PCDH15: variants seen among roughly 807,000 people sequenced by gnomAD.
PCDH15 encodes the protein protocadherin-15.
PCDH15 carries 129 observed loss-of-function variants against 178.5 expected under a neutral mutation model. The ratio of observed to expected loss-of-function variants is 0.72; its 90% CI spans 0.63 to 0.84. The LOEUF (loss-of-function observed/expected upper bound fraction) is 0.84, where lower values mean the gene tolerates loss of function less well. Ranked by LOEUF, PCDH15 falls within the 40% of genes least tolerant of loss-of-function variation. The pLI, the probability that PCDH15 is intolerant of heterozygous loss-of-function variation, is 0.00. For missense variants in PCDH15, 2,230 were observed against 2,099.9 expected (o/e 1.06, Z -1.21); for synonymous variants, 800 against 732.0 (o/e 1.09, Z -1.50).
At chr10:55,385,181 T>G (rs977948303) in intron 2 of PCDH15, among the ~76,000 whole-genome samples, 1 of 152,052 alleles carries the variant, frequency 6.6e-6, no homozygotes, top group Non-Finnish European at 1.5e-5. Context: ...GCCTAAACAA[T>G]GTCGTATATG....
intron 20 of PCDH15, among the ~76,000 whole-genome samples, chr10:54,019,151 A>G (rs188516054): frequency 4.6e-5 from 7 of 152,134 alleles, no homozygotes; most frequent in Non-Finnish European, 8.8e-5. Context: ...CAGGAAGCAG[A>G]AAAAAACACT....
At chr10:55,619,645 C>T (rs1016258358) in intron 2 of PCDH15, among the ~76,000 whole-genome samples, 1 of 151,950 alleles carries the variant, frequency 6.6e-6, no homozygotes, top group Non-Finnish European at 1.5e-5. Context: ...ATAACTGGCA[C>T]AAAATAATTA....
intron 2 of PCDH15, among the ~76,000 whole-genome samples, chr10:54,902,591 C>A (rs960449232): frequency 6.6e-6 from 1 of 152,112 alleles, no homozygotes; most frequent in African/African-American, 2.4e-5. Context: ...GTCAATTAAA[C>A]CTCTTCTCTT....
At chr10:54,452,470 T>C (rs2076540245) in intron 3 of PCDH15, 1 of 152,084 alleles carries the variant, frequency 6.6e-6, no homozygotes, top group South Asian at 2.1e-4. Flanking sequence ...CTGCTAATCT[T>C]CTTGAATTCT....
upstream of PCDH15, among the ~76,000 whole-genome samples, chr10:54,804,211 T>C (rs531801279): frequency 2.0e-4 from 30 of 152,230 alleles, no homozygotes; most frequent in South Asian, 6.2e-3. Context: ...AGCTAATTTT[T>C]TGCATTTTTA....
intron 1 of PCDH15, among the ~76,000 whole-genome samples, chr10:55,199,066 G>A (rs536444221): frequency 6.6e-6 from 1 of 152,058 alleles, no homozygotes; most frequent in African/African-American, 2.4e-5. Context: ...TGCCTGAAAA[G>A]GTGGAAGCAA....
At chr10:54,762,801 T>C (rs1038678259) in intron 1 of PCDH15, among the ~76,000 whole-genome samples, 2 of 152,182 alleles carry the variant, frequency 1.3e-5, no homozygotes, top group African/African-American at 4.8e-5. Context: ...AATGGTTTTA[T>C]AATGAAAGAA....
chr10:54,276,771 C>A (rs2132620176), intron 8 of PCDH15, among the ~76,000 whole-genome samples: 1 of 151,686 alleles, frequency 6.6e-6, no homozygotes, highest in South Asian at 2.1e-4. Flanking sequence ...TGATAAATCA[C>A]AAAAACATAA....
At chr10:54,431,836 T>C (rs958119591) in intron 3 of PCDH15, among the ~76,000 whole-genome samples, 1 of 152,170 alleles carries the variant, frequency 6.6e-6, no homozygotes, top group African/African-American at 2.4e-5. Context: ...GTAGATGTTA[T>C]AACCTTACAT....
chr10:55,605,512 A>T (rs1310834880), intron 2 of PCDH15, among the ~76,000 whole-genome samples: 2 of 151,036 alleles, frequency 1.3e-5, no homozygotes, highest in Non-Finnish European at 3.0e-5. Flanking sequence ...ATACTGGCAA[A>T]CCAAATCCAG....
In PCDH15 at chr10:53,831,452, C is replaced by G; in HGVS notation, c.4065G>C (p.Arg1355=). The change falls in exon 30 of 38, where the codon CGG becomes CGC. Residue 1355 remains arginine, a synonymous_variant. Coordinates refer to ENST00000644397, the MANE Select transcript of PCDH15 (RefSeq NM_001384140.1). ...YGEGGRILEI[R]TPEAVTSIKK... ...TAATGCTGGTCACTGCCTCTGGAGT[C>G]CGGATCTCCAGAATGCGTCCTCCTT... is the stretch of plus-strand genomic sequence containing the variant. 2.5e-6 allele frequency: 4 copies of G among 1,614,090 alleles called. No homozygotes were observed. The highest frequency in any genetic ancestry group is 3.4e-6 in the Non-Finnish European group (4 of 1,179,986).
chr10:54,529,455 A>G (rs2083691321), intron 2 of PCDH15, among the ~76,000 whole-genome samples: 1 of 152,108 alleles, frequency 6.6e-6, no homozygotes, highest in African/African-American at 2.4e-5. Context: ...CAAAAGTGAA[A>G]TAATAGCATT....
intron 3 of PCDH15, among the ~76,000 whole-genome samples, chr10:54,410,627 C>G (rs1398294062): frequency 6.6e-6 from 1 of 152,120 alleles, no homozygotes; most frequent in Non-Finnish European, 1.5e-5. Flanking sequence ...TTGCTGTCTA[C>G]TTGCAAATAA....
chr10:54,788,486 G>A (rs2133517626), intron 1 of PCDH15, among the ~76,000 whole-genome samples: 1 of 151,952 alleles, frequency 6.6e-6, no homozygotes, highest in East Asian at 1.9e-4. Flanking sequence ...GAATTTAACG[G>A]TAGATAAAAT....
Position 54,115,965 on chromosome 10 carries a change from T to C in PCDH15, c.1917+16910A>G, listed in dbSNP as rs1406975583. Among the ~76,000 whole-genome samples the C allele has an allele frequency of 3.9e-5, 6 of 152,136 alleles. No homozygotes were observed. In the South Asian group the frequency reaches 1.2e-3, roughly 31 times the overall value. ...TCATTAGATCTGTTGAAATAATCTT[T>C]GGAGTGAATGGAAATAGGAAAAGAA... On this transcript the variant is annotated intron_variant, in intron 15 of 37. Coordinates refer to ENST00000644397, the MANE Select transcript of PCDH15 (RefSeq NM_001384140.1).
At chr10:55,492,410 T>C (rs910417951) in intron 2 of PCDH15, among the ~76,000 whole-genome samples, 4 of 151,744 alleles carry the variant, frequency 2.6e-5, no homozygotes, top group Non-Finnish European at 2.9e-5. Context: ...CTTGGAATGA[T>C]GCAAGCATTT....
At chr10:54,686,322 G>A (rs937462225) in intron 1 of PCDH15, among the ~76,000 whole-genome samples, 2 of 152,094 alleles carry the variant, frequency 1.3e-5, no homozygotes, top group East Asian at 3.9e-4. Flanking sequence ...ATTTTATGAT[G>A]GGTGCAAATT....
intron 1 of PCDH15, among the ~76,000 whole-genome samples, chr10:54,718,800 G>T (rs980980073): frequency 2.7e-5 from 4 of 147,706 alleles, no homozygotes; most frequent in African/African-American, 1.0e-4. Flanking sequence ...CAAGCAATTC[G>T]ATTCTCCTGC....
At chr10:54,255,040 TTAAAG>T (rs2056790544) in intron 8 of PCDH15, among the ~76,000 whole-genome samples, 1 of 152,240 alleles carries the variant, frequency 6.6e-6, no homozygotes, top group Non-Finnish European at 1.5e-5. Flanking sequence ...GAAGCATCTG[TTAAAG>T]TAATCACACT....
Sources: gnomAD v4.1 joint callset for allele counts (sites outside exome capture counted in the v4.1 genomes callset) on GRCh38, gnomAD v4.1.1 for gene constraint, MANE v1.5 for transcripts, NCBI Gene and HGNC (gene_info 2026-07-23, HGNC 2026-07-21) for gene names.